SLCO1A2: variants seen among roughly 807,000 people sequenced by gnomAD.
SLCO1A2 encodes solute carrier organic anion transporter family member 1A2.
SLCO1A2 carries 67 observed loss-of-function variants against 69.0 expected under a neutral mutation model. The ratio of observed to expected loss-of-function variants is 0.97; its 90% CI spans 0.80 to 1.19. SLCO1A2 has a LOEUF of 1.19. Ranked by LOEUF, SLCO1A2 falls within the 50% of genes most tolerant of loss-of-function variation. The pLI, the probability that SLCO1A2 is intolerant of heterozygous loss-of-function variation, is 0.00. For missense variants in SLCO1A2, 787 were observed against 793.7 expected, an observed-to-expected ratio of 0.99 and a Z score of 0.10; for synonymous variants, 260 against 265.9, an observed-to-expected ratio of 0.98 and a Z score of 0.22.
chr12:21,319,548 G>A (rs1951333069), intron 2 of SLCO1A2: 3 of 1,062,472 alleles, frequency 2.8e-6, no homozygotes, highest in Admixed American at 4.2e-5. Flanking sequence ...AGGCATATAA[G>A]CCCAGGACAG....
chr12:21,273,432 C>CAACA (rs1943244612), intron 14 of SLCO1A2, among the ~76,000 whole-genome samples: 2 of 152,098 alleles, frequency 1.3e-5, no homozygotes, highest in African/African-American at 4.8e-5. Flanking sequence ...AATTGTCTAC[C>CAACA]AACAATATTT....
chr12:21,382,814 GA>G (rs1940672992), intron 1 of SLCO1A2, among the ~76,000 whole-genome samples: 1 of 146,164 alleles, frequency 6.8e-6, no homozygotes, highest in Non-Finnish European at 1.5e-5. Flanking sequence ...AAAAAAGAAA[GA>G]AAAGAAACGA....
At chr12:21,351,430 T>C (rs546346254) in intron 2 of SLCO1A2, among the ~76,000 whole-genome samples, 3 of 152,138 alleles carry the variant, frequency 2.0e-5, no homozygotes, top group African/African-American at 7.2e-5. Flanking sequence ...GCATCATACA[T>C]TTGGTGCCTT....
intron 2 of SLCO1A2, among the ~76,000 whole-genome samples, chr12:21,332,451 C>T (rs1952675250): frequency 6.6e-6 from 1 of 152,048 alleles, no homozygotes; most frequent in Non-Finnish European, 1.5e-5. Flanking sequence ...TCTTATCAGA[C>T]TTAAGGTCTG....
At chr12:21,273,075 T>C (rs937439120) in intron 14 of SLCO1A2, among the ~76,000 whole-genome samples, 1 of 152,168 alleles carries the variant, frequency 6.6e-6, no homozygotes, top group African/African-American at 2.4e-5. Flanking sequence ...CATGTTCAAG[T>C]TGATTTTCCT....
intron 2 of SLCO1A2, among the ~76,000 whole-genome samples, chr12:21,329,865 A>G (rs1952494776): frequency 6.6e-6 from 1 of 151,156 alleles, no homozygotes; most frequent in Admixed American, 6.6e-5. Flanking sequence ...ATTCCCATTG[A>G]AAAAAATAGG....
chr12:21,410,836 A>G (rs377614694), intron 1 of SLCO1A2, among the ~76,000 whole-genome samples: 3 of 152,198 alleles, frequency 2.0e-5, no homozygotes, highest in East Asian at 1.9e-4. Flanking sequence ...ATCATTAAAG[A>G]GAGTAAACAT....
chr12:21,334,481 G>T, intron 2 of SLCO1A2, 107 bp downstream of exon 2: 1 of 747,510 alleles, frequency 1.3e-6, no homozygotes, highest in Non-Finnish European at 2.2e-6. Context: ...AGGCAATATG[G>T]CATTAATATT....
chr12:21,409,064 ATCT>A (rs1354114128), intron 1 of SLCO1A2, among the ~76,000 whole-genome samples: 1 of 152,160 alleles, frequency 6.6e-6, no homozygotes, highest in Non-Finnish European at 1.5e-5. Context: ...AAAACTGAGA[ATCT>A]TCTTTTCAAA....
chr12:21,300,474 G>C lies in SLCO1A2; in HGVS notation c.784C>G (p.Pro262Ala). 1 of 1,613,476 alleles carries C rather than the reference G, an allele frequency of 6.2e-7. No individual in the cohort carries two copies. Among genetic ancestry groups the C allele is most frequent in the South Asian group, 1.1e-5 (1 of 91,048 alleles). ...CAGVNVLTAI[P>A]FFFLPNTLPK... ...AGTGTGTTGGGCAAAAAGAAAAAAG[G>C]AATGGCAGTGAGCACGTTAACTCCT... The change falls in exon 8 of 15, where the codon CCT (proline) becomes GCT (alanine). Residue 262 changes from proline to alanine, a missense_variant. Transcript: ENST00000683939.
rs1032035063 is a variant in SLCO1A2 at position 21,417,984 on chromosome 12, T to G, written c.-414A>C. 3.3e-5 allele frequency: 5 copies of G among 152,154 alleles called. No individual in the cohort carries two copies. The East Asian group carries it at 9.6e-4, about 29-fold the overall frequency. The allele number at this position is 152,154 out of a possible 1,614,324, so 9.4% of individuals were successfully genotyped here. On this transcript the variant is annotated 5_prime_UTR_variant, in exon 1 of 5. Coordinates refer to the SLCO1A2 transcript ENST00000413682. ...ACACTTTTACAACACACCATGGGTCTCTATTGAGGTAGGGGAGGTCTAAAA... is the reference window on the plus strand; with the variant it reads ...ACACTTTTACAACACACCATGGGTCGCTATTGAGGTAGGGGAGGTCTAAAA...
chr12:21,342,954 C>T (rs955187103), intron 2 of SLCO1A2, among the ~76,000 whole-genome samples: 3 of 152,008 alleles, frequency 2.0e-5, no homozygotes, highest in African/African-American at 7.2e-5. Context: ...TCAATTTCAA[C>T]ATGAACATAC....
chr12:21,419,351 A>C (rs892944628), upstream of SLCO1A2: 2 of 155,654 alleles, frequency 1.3e-5, no homozygotes, highest in Admixed American at 6.5e-5. Context: ...GGCGCAGGTC[A>C]GTGGGTGCGT....
intron 2 of SLCO1A2, among the ~76,000 whole-genome samples, chr12:21,343,928 G>A (rs1953162825): frequency 6.6e-6 from 1 of 152,096 alleles, no homozygotes; most frequent in South Asian, 2.1e-4. Context: ...CAGTTGTTAT[G>A]CAGAAAGTAT....
chr12:21,266,001 G>T lies in SLCO1A2; in HGVS notation c.*3547C>A, dbSNP rs983639819. On this transcript the variant is annotated 3_prime_UTR_variant, in exon 15 of 15. Transcript: ENST00000683939. ...GTGATTTTTAGATGGTGAACGTTCA[G>T]TCAATGTATGATTTATGCCAGGAGA... 3 of 152,122 alleles carry T rather than the reference G, an allele frequency of 2.0e-5. No homozygotes were observed. The highest frequency in any genetic ancestry group is 2.9e-5 in the Non-Finnish European group (2 of 68,018). 9.4% of individuals were successfully genotyped at this position (152,122 alleles called of 1,614,324 possible).
rs2136007050 is a variant in SLCO1A2, at chr12:21,265,906, C to CTCT, written c.*3639_*3641dup. ...TATATTTTCTTATATAGAAATCATA[C>CTCT]TCTTTTAACATCTACAACCTCTTCT... On this transcript the variant is annotated 3_prime_UTR_variant, in exon 15 of 15. Coordinates refer to ENST00000683939, the MANE Select transcript of SLCO1A2 (RefSeq NM_001386879.1). The CTCT allele has an allele frequency of 6.6e-6, 1 of 152,216 alleles. No homozygotes were observed. The highest frequency in any genetic ancestry group is 6.5e-5 in the Admixed American group (1 of 15,286). The allele number at this position is 152,216 out of a possible 1,614,324, so 9.4% of individuals were successfully genotyped here.
chr12:21,305,931 A>G (rs906747004), intron 5 of SLCO1A2, among the ~76,000 whole-genome samples: 34 of 152,378 alleles, frequency 2.2e-4, no homozygotes, highest in African/African-American at 7.9e-4. Context: ...TCTCCAGACC[A>G]AGTATAACCA....
chr12:21,391,512 A>T (rs1941151207), intron 1 of SLCO1A2, among the ~76,000 whole-genome samples: 1 of 152,150 alleles, frequency 6.6e-6, no homozygotes, highest in East Asian at 1.9e-4. Flanking sequence ...ATTGAAAAAT[A>T]CTCAAAAGTT....
chr12:21,354,655 G>A (rs1026696674), intron 2 of SLCO1A2, among the ~76,000 whole-genome samples: 2 of 152,174 alleles, frequency 1.3e-5, no homozygotes, highest in Admixed American at 1.3e-4. Context: ...TGAAAGCAGT[G>A]TAGCTATGGT....
Sources: gnomAD v4.1 joint callset for allele counts (sites outside exome capture counted in the v4.1 genomes callset) on GRCh38, gnomAD v4.1.1 for gene constraint, MANE v1.5 for transcripts, NCBI Gene and HGNC (gene_info 2026-07-23, HGNC 2026-07-21) for gene names.